The following TDRD1 variants were observed in gnomAD, a reference collection of about 807,000 sequenced individuals.
TDRD1 encodes tudor domain-containing protein 1.
Under a neutral mutation model 140.6 loss-of-function variants are expected in TDRD1, and 37 were observed. That is an observed-to-expected ratio of 0.26 (90% confidence interval 0.20 to 0.35). The LOEUF is 0.35. Ranked by LOEUF, TDRD1 falls within the 10% of genes least tolerant of loss-of-function variation. TDRD1 has a pLI of 1.00. For missense variants in TDRD1, 1,243 were observed against 1,393.0 expected (o/e 0.89, Z 1.71); for synonymous variants, 506 against 475.7 (o/e 1.06, Z -0.83).
upstream of TDRD1, among the ~76,000 whole-genome samples, chr10:114,175,499 T>G (rs2032674386): frequency 6.6e-6 from 1 of 152,158 alleles, no homozygotes; most frequent in Non-Finnish European, 1.5e-5. Flanking sequence ...AAAAGGTGTG[T>G]CCACTGAAAA....
At chr10:114,210,714 A>C (rs1487715400) in exon 12 of TDRD1, 1 of 1,612,142 alleles carries the variant, frequency 6.2e-7, no homozygotes, top group Admixed American at 1.7e-5. Flanking sequence ...TTCAAACACC[A>C]GAAGACTTCT....
At chr10:114,203,104 A>C (rs2034869348) in exon 7 of TDRD1, 2 of 1,613,806 alleles carry the variant, frequency 1.2e-6, no homozygotes, top group South Asian at 2.2e-5. Context: ...CTAAGGAAAT[A>C]GCCATTTGGG....
At chr10:114,213,808 T>A (rs2035640225) in intron 15 of TDRD1, among the ~76,000 whole-genome samples, 169 bp from the exon 16 acceptor site, 1 of 152,204 alleles carries the variant, frequency 6.6e-6, no homozygotes, top group Non-Finnish European at 1.5e-5. Context: ...AATTTGAAAT[T>A]TACTTAGATA....
intron 22 of TDRD1, among the ~76,000 whole-genome samples, chr10:114,226,752 A>C (rs1421119462): frequency 6.6e-6 from 1 of 152,178 alleles, no homozygotes; most frequent in Non-Finnish European, 1.5e-5. Flanking sequence ...AGATAATACC[A>C]TACCGATTGC....
chr10:114,217,679 T>C (rs780636163), intron 17 of TDRD1, 24 bp downstream of exon 17: 28 of 1,266,308 alleles, frequency 2.2e-5, no homozygotes, highest in Non-Finnish European at 2.6e-5. Flanking sequence ...GATGCAATCT[T>C]GACTTTTAGA....
At chr10:114,207,029 T>A (rs1296455052) in intron 11 of TDRD1, among the ~76,000 whole-genome samples, 2 of 152,274 alleles carry the variant, frequency 1.3e-5, no homozygotes, top group African/African-American at 4.8e-5. Flanking sequence ...GTGTTTCTGA[T>A]GACTGTTTAC....
exon 4 of TDRD1, chr10:114,199,271 A>G (rs1470104002): frequency 1.9e-6 from 3 of 1,613,998 alleles, no homozygotes; most frequent in Admixed American, 3.3e-5. Flanking sequence ...TCACCTCCTT[A>G]GGACCTCCTC....
chr10:114,194,730 T>G (rs1256660317), intron 3 of TDRD1, among the ~76,000 whole-genome samples: 4 of 151,390 alleles, frequency 2.6e-5, no homozygotes, highest in Non-Finnish European at 5.9e-5. Flanking sequence ...GGGGTTTTTT[T>G]GTTTGTCTTT....
At chr10:114,217,782 A>G (rs77439658) in intron 17 of TDRD1, 127 bp downstream of exon 17, 28,824 of 598,382 alleles carry the variant, frequency 0.048, 842 homozygotes, top group South Asian at 0.076. Context: ...ATGAATGCTT[A>G]CAATGTCATG....
exon 5 of TDRD1, chr10:114,201,514 A>G (rs1486291246): frequency 6.2e-7 from 1 of 1,611,050 alleles, no homozygotes; most frequent in Non-Finnish European, 8.5e-7. Context: ...TGTTCAGCCA[A>G]AGTAAGGATT....
chr10:114,206,370 T>G, intron 11 of TDRD1, 40 bp downstream of exon 11: 1 of 1,536,630 alleles, frequency 6.5e-7, no homozygotes. Flanking sequence ...GCGACTTCAG[T>G]TATTGAAGAC....
At chr10:114,217,624 G>C in exon 17 of TDRD1, 3 of 1,605,274 alleles carry the variant, frequency 1.9e-6, no homozygotes, top group Non-Finnish European at 2.6e-6. Context: ...TCAAGGCAGA[G>C]ATAGGACAAC....
chr10:114,221,635 C>A (rs1319894307), intron 20 of TDRD1, among the ~76,000 whole-genome samples, 159 bp downstream of exon 20: 2 of 152,170 alleles, frequency 1.3e-5, no homozygotes, highest in African/African-American at 4.8e-5. Context: ...TTACGAAACA[C>A]TAGCGGGAAC....
intron 2 of TDRD1, among the ~76,000 whole-genome samples, chr10:114,188,544 AT>A (rs1275888875): frequency 6.6e-6 from 1 of 152,176 alleles, no homozygotes; most frequent in Non-Finnish European, 1.5e-5. Flanking sequence ...TTATTTTATC[AT>A]TCCTTTAGTT....
At chr10:114,214,472 G>A (rs1156822223) in intron 16 of TDRD1, among the ~76,000 whole-genome samples, 1 of 152,120 alleles carries the variant, frequency 6.6e-6, no homozygotes, top group Non-Finnish European at 1.5e-5. Context: ...GTGCGGTGAG[G>A]CTTGATCATA....
chr10:114,185,535 T>C (rs2033448531), intron 1 of TDRD1, among the ~76,000 whole-genome samples: 1 of 152,058 alleles, frequency 6.6e-6, no homozygotes, highest in East Asian at 1.9e-4. Context: ...GTCTCAATAG[T>C]TTCTACCTTG....
At chr10:114,230,563 G>A (rs1216025389) in intron 25 of TDRD1, among the ~76,000 whole-genome samples, 3 of 152,134 alleles carry the variant, frequency 2.0e-5, no homozygotes, top group Admixed American at 6.5e-5. Context: ...TAGGTCTTAC[G>A]ACTTAAAACA....
chr10:114,205,982 C>T (rs2133008786), intron 10 of TDRD1, among the ~76,000 whole-genome samples: 1 of 152,256 alleles, frequency 6.6e-6, no homozygotes, highest in African/African-American at 2.4e-5. Context: ...TAAATATGTA[C>T]ACCTACTATG....
chr10:114,178,867 C>CAA (rs11285127), upstream of TDRD1, among the ~76,000 whole-genome samples: 43 of 102,646 alleles, frequency 4.2e-4, no homozygotes, highest in East Asian at 6.9e-4. Flanking sequence ...AGTTCCATAG[C>CAA]AAAAAAAAAA....
Sources: gnomAD v4.1 joint callset for allele counts (sites outside exome capture counted in the v4.1 genomes callset) on GRCh38, gnomAD v4.1.1 for gene constraint, MANE v1.5 for transcripts, NCBI Gene and HGNC (gene_info 2026-07-23, HGNC 2026-07-21) for gene names.